LRP4: variants seen among roughly 807,000 people sequenced by gnomAD.
LRP4 encodes low-density lipoprotein receptor-related protein 4.
A neutral mutation model predicts 220.3 loss-of-function variants in LRP4; 95 were observed. The observed-to-expected ratio is 0.43, with a 90% confidence interval of 0.37 to 0.51. The LOEUF is 0.51. LRP4 is among the 20% of genes least tolerant of loss of function. The probability of loss-of-function intolerance (pLI) is 0.00; values close to 1 mark genes in which losing one functional copy is unlikely to be tolerated. For synonymous variants in LRP4, 903 were observed against 954.6 expected, an observed-to-expected ratio of 0.95 and a Z score of 1.00; for missense variants, 1,925 against 2,567.0, an observed-to-expected ratio of 0.75 and a Z score of 5.40.
intron 36 of LRP4, among the ~76,000 whole-genome samples, chr11:46,863,703 G>C (rs866247426): frequency 6.6e-6 from 1 of 151,702 alleles, no homozygotes; most frequent in Non-Finnish European, 1.5e-5. Flanking sequence ...AGGTTGCAGA[G>C]AGCCAAGATT....
At chr11:46,880,214 C>T (rs929917958) in intron 20 of LRP4, among the ~76,000 whole-genome samples, 8 of 150,786 alleles carry the variant, frequency 5.3e-5, no homozygotes, top group South Asian at 4.2e-4. Flanking sequence ...GGCCCGGTGG[C>T]GCACAGCTCC....
At position 46,918,191 on chromosome 11, in the gene LRP4, C is replaced by T; in HGVS notation, c.52+137G>A. 2.1e-6 allele frequency: 2 copies of T among 953,280 alleles called. No individual in the cohort carries two copies. Among genetic ancestry groups the T allele is most frequent in the African/African-American group, 1.7e-5 (1 of 57,902 alleles). 59.1% of individuals were successfully genotyped at this position (953,280 alleles called of 1,614,324 possible). On this transcript the variant is annotated intron_variant, in intron 1 of 37. Coordinates refer to ENST00000378623, the MANE Select transcript of LRP4 (RefSeq NM_002334.4). This position sits in a 1 kb window ranked among gnomAD's most constrained non-coding sequence, Gnocchi z 6.0. Reference sequence around the variant, plus strand: ...CCGGGGCCGCTCCGGGTCCTCTCCCCTGCACGCAGCCCCAGGGCCACGGCT... The same window carrying T: ...CCGGGGCCGCTCCGGGTCCTCTCCCTTGCACGCAGCCCCAGGGCCACGGCT...
At chr11:46,865,324 T>C (rs965063083) in intron 34 of LRP4, 138 bp from the exon 35 acceptor site, 7 of 712,674 alleles carry the variant, frequency 9.8e-6, no homozygotes, top group East Asian at 5.4e-5. Context: ...ATCAGAAGCA[T>C]GGAGAGGGCA....
chr11:46,899,686 C>T lies in LRP4; in HGVS notation c.430+177G>A, dbSNP rs1325976759. ...CCTGGAGAGACTGGGCCTCAGCCTC[C>T]TGGTCCACAGTTTCTGGGGGGTCTG... On this transcript the variant is annotated intron_variant, in intron 4 of 37. Coordinates refer to ENST00000378623, the MANE Select transcript of LRP4 (RefSeq NM_002334.4). This position sits in a 1 kb window ranked among gnomAD's most constrained non-coding sequence, Gnocchi z 5.9. 6.6e-6 allele frequency among the ~76,000 whole-genome samples: 1 copy of T among 152,226 alleles called. No homozygotes were observed. The highest frequency in any genetic ancestry group is 1.9e-4 in the East Asian group (1 of 5,190).
chr11:46,861,522 A>ATTTTTTT (rs1565773314), intron 37 of LRP4, among the ~76,000 whole-genome samples: 11 of 38,126 alleles, frequency 2.9e-4, no homozygotes, highest in Admixed American at 4.3e-4. Context: ...TGGAAATGGG[A>ATTTTTTT]CTTTTTTTTT....
chr11:46,917,525 G>C (rs922499640), intron 1 of LRP4, among the ~76,000 whole-genome samples: 4 of 152,196 alleles, frequency 2.6e-5, no homozygotes, highest in African/African-American at 9.7e-5. Flanking sequence ...GCTCCCCCGA[G>C]GGCTGGGACC....
intron 1 of LRP4, among the ~76,000 whole-genome samples, chr11:46,909,346 C>T (rs923865920): frequency 6.7e-6 from 1 of 150,204 alleles, no homozygotes; most frequent in Non-Finnish European, 1.5e-5. Flanking sequence ...GTGGCTCACG[C>T]CTGTAATCCC....
At chr11:46,900,408 A>T (rs770732172) in intron 2 of LRP4, 30 bp from the exon 3 acceptor site, 1 of 1,353,300 alleles carries the variant, frequency 7.4e-7, no homozygotes, top group South Asian at 1.2e-5. Context: ...AAGAAAAGTC[A>T]ATCAACCTGG....
In LRP4 at chr11:46,873,683, G is replaced by T; in HGVS notation, c.4230-90C>A. 9.6e-7 allele frequency: 1 copy of T among 1,037,080 alleles called. No homozygotes were observed. Among genetic ancestry groups the T allele is most frequent in the Non-Finnish European group, 1.4e-6 (1 of 691,612 alleles). The allele number at this position is 1,037,080 out of a possible 1,614,324, so 64.2% of individuals were successfully genotyped here. ...CATGTTCCCATAACTGGACCCCACTGAACTGTAAGCTCCACAGGGATAGAG... is the reference window on the plus strand; with the variant it reads ...CATGTTCCCATAACTGGACCCCACTTAACTGTAAGCTCCACAGGGATAGAG... On this transcript the variant is annotated intron_variant, in intron 28 of 37. Transcript: ENST00000378623. The surrounding 1 kb of genome is among the most constrained non-coding windows in gnomAD (Gnocchi z 4.2).
rs1941630997 is a variant in LRP4 at position 46,899,951 on chromosome 11, C to T, written c.342G>A (p.Glu114=). The T allele has an allele frequency of 1.2e-6, 2 of 1,613,818 alleles. No homozygotes were observed. Among genetic ancestry groups the T allele is most frequent in the African/African-American group, 1.3e-5 (1 of 75,070 alleles). The part of the protein sequence containing the change: ...DCPPRECEED[E]FPCQNGYCIR... ...TGCAGTAGCCATTCTGGCAGGGAAA[C>T]TCGTCCTCCTCACACTCCCGGGGGG... Residue 114 remains glutamate, a synonymous_variant, in exon 4 of 38, where the codon GAG becomes GAA. Transcript: ENST00000378623. The surrounding 1 kb of genome is among the most constrained non-coding windows in gnomAD (Gnocchi z 5.9).
At chr11:46,887,159 A>G (rs1427547519) in intron 16 of LRP4, among the ~76,000 whole-genome samples, 1 of 152,184 alleles carries the variant, frequency 6.6e-6, no homozygotes, top group East Asian at 1.9e-4. Context: ...CCAGAGAAAG[A>G]GCTCTGGCCA....
intron 12 of LRP4, among the ~76,000 whole-genome samples, chr11:46,893,901 A>AT (rs766275851): frequency 0.011 from 1,139 of 104,140 alleles, 30 homozygotes; most frequent in Admixed American, 0.08. Context: ...CGCTTGAACT[A>AT]TTTTTTTTTT....
chr11:46,917,085 AC>A (rs1275488573), intron 1 of LRP4, among the ~76,000 whole-genome samples: 2 of 151,884 alleles, frequency 1.3e-5, no homozygotes, highest in Non-Finnish European at 1.5e-5. Context: ...AGACATGAAA[AC>A]TCTGTTTTGG....
chr11:46,862,152 G>GA (rs1453738746), intron 37 of LRP4, among the ~76,000 whole-genome samples: 1 of 150,416 alleles, frequency 6.6e-6, no homozygotes, highest in East Asian at 2.0e-4. Flanking sequence ...GAAGAATAGT[G>GA]AAAAACAAGC....
intron 12 of LRP4, 122 bp downstream of exon 12, chr11:46,894,467 G>T: frequency 1.3e-6 from 1 of 758,962 alleles, no homozygotes; most frequent in Non-Finnish European, 2.3e-6. Flanking sequence ...CTCCAACTAA[G>T]ATTTCCCTGG....
intron 19 of LRP4, 27 bp downstream of exon 19, chr11:46,883,844 G>A (rs775225195): frequency 1.3e-6 from 2 of 1,547,864 alleles, no homozygotes; most frequent in Non-Finnish European, 1.8e-6. Context: ...GGTGGATGGA[G>A]CTCATTCCCA....
chr11:46,862,068 C>CAAAA (rs35296081), intron 37 of LRP4, among the ~76,000 whole-genome samples: 7 of 63,706 alleles, frequency 1.1e-4, no homozygotes, highest in Admixed American at 2.0e-4. Context: ...AACTCTGTCT[C>CAAAA]AAAAAAAAAA....
chr11:46,895,678 GT>G (rs1270407798), intron 10 of LRP4, among the ~76,000 whole-genome samples: 1 of 152,380 alleles, frequency 6.6e-6, no homozygotes, highest in African/African-American at 2.4e-5. Context: ...CTCGCCAGCT[GT>G]GTGGCCTTTG....
rs751564634 is a variant in LRP4, at chr11:46,879,094, G to A, written c.3004+32C>T. The A allele has an allele frequency of 1.3e-5, 21 of 1,614,092 alleles. No homozygotes were observed. The East Asian group carries it at 2.4e-4, about 19-fold the overall frequency. ...GAGAGCTAGGGCATAGGAGGGCCAC[G>A]GAGAAGCCAATGCGAGCCAAGGGCT... On this transcript the variant is annotated intron_variant, in intron 21 of 37. Transcript: ENST00000378623.
Sources: allele counts gnomAD v4.1 joint callset (sites outside exome capture counted in the v4.1 genomes callset), GRCh38; gene constraint gnomAD v4.1.1; non-coding constraint Gnocchi (gnomAD v3.1); transcripts MANE v1.5; gene names NCBI Gene and HGNC (gene_info 2026-07-23, HGNC 2026-07-21).